The following MBNL2 variants were observed in gnomAD, a reference collection of about 807,000 sequenced individuals.
MBNL2 encodes muscleblind-like protein 2.
Under a neutral mutation model 41.9 loss-of-function variants are expected in MBNL2, and 17 were observed. The ratio of observed to expected loss-of-function variants is 0.41; its 90% CI spans 0.28 to 0.61. The LOEUF (loss-of-function observed/expected upper bound fraction) is 0.61, where lower values mean the gene tolerates loss of function less well. Ranked by LOEUF, MBNL2 falls within the 20% of genes least tolerant of loss-of-function variation. The pLI is 0.35. For synonymous variants in MBNL2, 195 were observed against 182.9 expected, an observed-to-expected ratio of 1.07 and a Z score of -0.53; for missense variants, 336 against 505.6, an observed-to-expected ratio of 0.66 and a Z score of 3.22.
chr13:97,157,357 T>C, the MBNL2 span, among the ~76,000 whole-genome samples: 1 of 149,202 alleles, frequency 6.7e-6, no homozygotes, highest in Non-Finnish European at 1.5e-5. Context: ...CAAATTGACT[T>C]CCTCTTTTCC....
At chr13:97,201,019 C>T in the MBNL2 span, among the ~76,000 whole-genome samples, 1 of 152,140 alleles carries the variant, frequency 6.6e-6, no homozygotes, top group Non-Finnish European at 1.5e-5. Context: ...CCCTCTTCTC[C>T]CTCTGAGATT....
the MBNL2 span, among the ~76,000 whole-genome samples, chr13:97,181,861 T>C: frequency 6.6e-6 from 1 of 152,186 alleles, no homozygotes; most frequent in Non-Finnish European, 1.5e-5. Context: ...GTGAAAGCTT[T>C]GTTTCCTGCC....
At chr13:97,208,896 G>A in the MBNL2 span, among the ~76,000 whole-genome samples, 25,404 of 152,132 alleles carry the variant, frequency 0.17, 2,815 homozygotes, top group African/African-American at 0.32. Flanking sequence ...TTTTCTGCAT[G>A]CAACCTTCAT....
At chr13:97,345,348 T>C (rs1216235354) in intron 4 of MBNL2, among the ~76,000 whole-genome samples, 1 of 152,238 alleles carries the variant, frequency 6.6e-6, no homozygotes, top group Non-Finnish European at 1.5e-5. Context: ...AGAAGAATTA[T>C]ATAAGCAACA....
chr13:97,208,065 C>G, the MBNL2 span, among the ~76,000 whole-genome samples: 15 of 152,220 alleles, frequency 9.9e-5, no homozygotes, highest in Non-Finnish European at 1.9e-4. Flanking sequence ...TTGCAGGGTA[C>G]AGCCTCCTTC....
chr13:97,175,070 T>A, the MBNL2 span, among the ~76,000 whole-genome samples: 1 of 152,280 alleles, frequency 6.6e-6, no homozygotes, highest in Non-Finnish European at 1.5e-5. Context: ...AGGCCATGTG[T>A]CCCTGGGCTA....
chr13:97,274,804 A>AACTT (rs1291683908), intron 1 of MBNL2, among the ~76,000 whole-genome samples: 2 of 152,230 alleles, frequency 1.3e-5, no homozygotes, highest in African/African-American at 4.8e-5. Flanking sequence ...TAGACATCTG[A>AACTT]ACTTACTGAC....
intron 8 of MBNL2, among the ~76,000 whole-genome samples, chr13:97,372,237 C>A (rs1407094884): frequency 6.6e-6 from 1 of 152,126 alleles, no homozygotes; most frequent in African/African-American, 2.4e-5. Flanking sequence ...ATATTCTGGG[C>A]AATATGTTAA....
At chr13:97,180,009 T>G in the MBNL2 span, among the ~76,000 whole-genome samples, 2 of 152,156 alleles carry the variant, frequency 1.3e-5, no homozygotes, top group Non-Finnish European at 2.9e-5. Flanking sequence ...AAAAAATGAG[T>G]TTGTATGAAG....
chr13:97,311,678 C>A (rs1357117766), intron 2 of MBNL2, among the ~76,000 whole-genome samples: 1 of 149,696 alleles, frequency 6.7e-6, no homozygotes, highest in African/African-American at 2.5e-5. Context: ...TAAAAAAAAA[C>A]CATGTGTAGA....
chr13:97,167,424 A>G, the MBNL2 span, among the ~76,000 whole-genome samples: 5 of 152,062 alleles, frequency 3.3e-5, no homozygotes, highest in African/African-American at 9.7e-5. Context: ...TGTCTAATAA[A>G]TGAAAACCAG....
intron 5 of MBNL2, among the ~76,000 whole-genome samples, chr13:97,348,773 GCAGCCATCACCT>G (rs777306227): frequency 4.6e-5 from 7 of 152,142 alleles, no homozygotes; most frequent in African/African-American, 9.7e-5. Context: ...GTTCTAGTTA[GCAGCCATCACCT>G]CAGCCATCAC....
At chr13:97,280,362 C>T (rs1023131638) in intron 2 of MBNL2, among the ~76,000 whole-genome samples, 1 of 152,090 alleles carries the variant, frequency 6.6e-6, no homozygotes, top group Admixed American at 6.5e-5. Context: ...TATTTATTTG[C>T]TTAAACATTT....
intron 1 of MBNL2, among the ~76,000 whole-genome samples, chr13:97,256,397 G>A (rs2047539628): frequency 6.6e-6 from 1 of 151,868 alleles, no homozygotes. Flanking sequence ...AAGCTGGGTG[G>A]AACCTTGGAA....
intron 1 of MBNL2, among the ~76,000 whole-genome samples, chr13:97,227,921 A>G (rs1330707362): frequency 6.6e-6 from 1 of 152,206 alleles, no homozygotes; most frequent in Non-Finnish European, 1.5e-5. Flanking sequence ...ACACAGAAGT[A>G]AGGTGCTTCT....
chr13:97,178,221 A>T, the MBNL2 span, among the ~76,000 whole-genome samples: 2 of 152,224 alleles, frequency 1.3e-5, no homozygotes, highest in Non-Finnish European at 2.9e-5. Flanking sequence ...TAGATGGAGG[A>T]TGACACTGAG....
At chr13:97,243,794 G>A (rs1308060955) in intron 1 of MBNL2, among the ~76,000 whole-genome samples, 1 of 152,184 alleles carries the variant, frequency 6.6e-6, no homozygotes, top group Non-Finnish European at 1.5e-5. Flanking sequence ...GCATTATGTG[G>A]ATGCAGAGAA....
At chr13:97,158,606 C>T in the MBNL2 span, among the ~76,000 whole-genome samples, 12 of 151,178 alleles carry the variant, frequency 7.9e-5, 1 homozygote, top group Admixed American at 5.9e-4. Context: ...TCTTTGTTCT[C>T]ATTGGTTTCA....
At chr13:97,152,849 G>C in the MBNL2 span, among the ~76,000 whole-genome samples, 1 of 152,092 alleles carries the variant, frequency 6.6e-6, no homozygotes, top group Non-Finnish European at 1.5e-5. Flanking sequence ...CAAGAAACAA[G>C]TAATCAAGTA....
Sources: allele counts gnomAD v4.1 joint callset (sites outside exome capture counted in the v4.1 genomes callset), GRCh38; gene constraint gnomAD v4.1.1; transcripts MANE v1.5; gene names NCBI Gene and HGNC (gene_info 2026-07-23, HGNC 2026-07-21).